The following TNNI3K variants were observed in gnomAD, a reference collection of about 807,000 sequenced individuals.
TNNI3K encodes the protein serine/threonine-protein kinase TNNI3K.
In TNNI3K, 140 loss-of-function variants were observed where a neutral mutation model predicts 114.5. That is an observed-to-expected ratio of 1.22 (90% CI 1.07 to 1.41). The LOEUF is 1.41. Among genes scored for constraint, TNNI3K ranks in the 40% most tolerant of loss-of-function variants. TNNI3K has a pLI of 0.00. For synonymous variants in TNNI3K, 347 were observed against 347.5 expected (o/e 1.00, Z 0.02); for missense variants, 1,125 against 1,007.6 (o/e 1.12, Z -1.58).
rs149076890 is a variant in TNNI3K, at chr1:74,346,882, T to A, written c.932+3703T>A. Among the ~76,000 whole-genome samples the A allele has an allele frequency of 3.5e-3, 535 of 152,006 alleles. 5 individuals carry two copies. The highest frequency in any genetic ancestry group is 0.012 in the African/African-American group (483 of 41,456). ...GTGTCTTCACATGGCTGCCTCTCTG[T>A]CAATGTCACCTGTGTCTTAATCCCA... On this transcript the variant is annotated intron_variant, in intron 9 of 24. Transcript: ENST00000326637.
chr1:74,392,835 G>T (rs1663862283), intron 17 of TNNI3K, among the ~76,000 whole-genome samples: 2 of 152,180 alleles, frequency 1.3e-5, no homozygotes, highest in African/African-American at 4.8e-5. Context: ...TTAATTTGAG[G>T]TTTTAATTTT....
intron 5 of TNNI3K, among the ~76,000 whole-genome samples, chr1:74,330,945 A>G (rs1660168215): frequency 6.6e-6 from 1 of 152,220 alleles, no homozygotes; most frequent in Admixed American, 6.5e-5. Flanking sequence ...GTATATAAAT[A>G]GAAAAATGTT....
At chr1:74,278,874 G>A (rs1038946796) in intron 5 of TNNI3K, among the ~76,000 whole-genome samples, 36 of 151,932 alleles carry the variant, frequency 2.4e-4, no homozygotes, top group African/African-American at 7.7e-4. Context: ...TTTGTGACTG[G>A]CTTCTTTTAT....
intron 5 of TNNI3K, among the ~76,000 whole-genome samples, chr1:74,286,319 G>A (rs2122282): frequency 0.036 from 5,411 of 152,016 alleles, 295 homozygotes; most frequent in African/African-American, 0.12. Flanking sequence ...GGCCCATGTC[G>A]CTGCCAAACT....
chr1:74,237,385 A>G (rs1332280791), intron 2 of TNNI3K, among the ~76,000 whole-genome samples: 1 of 152,034 alleles, frequency 6.6e-6, no homozygotes, highest in Non-Finnish European at 1.5e-5. Flanking sequence ...TTGGAAAAGT[A>G]TGAATATAGA....
intron 17 of TNNI3K, among the ~76,000 whole-genome samples, chr1:74,386,138 T>C (rs1260292113): frequency 5.3e-5 from 8 of 152,232 alleles, no homozygotes; most frequent in Non-Finnish European, 1.0e-4. Flanking sequence ...TCATTTGCCT[T>C]CCACCATGAT....
At chr1:74,386,312 G>T (rs2100558484) in intron 17 of TNNI3K, among the ~76,000 whole-genome samples, 1 of 151,786 alleles carries the variant, frequency 6.6e-6, no homozygotes, top group Middle Eastern at 3.4e-3. Context: ...TTGAAAACTG[G>T]CAGATATAAC....
intron 5 of TNNI3K, among the ~76,000 whole-genome samples, chr1:74,298,317 G>C (rs536385894): frequency 6.6e-6 from 1 of 152,118 alleles, no homozygotes; most frequent in Admixed American, 6.5e-5. Flanking sequence ...AACATAGTCA[G>C]GTAGTGTAAA....
intron 4 of TNNI3K, among the ~76,000 whole-genome samples, chr1:74,262,506 G>A (rs2100874272): frequency 1.4e-5 from 2 of 147,800 alleles, no homozygotes; most frequent in African/African-American, 5.0e-5. Context: ...CCCTAAATGG[G>A]AATTTGACAA....
intron 20 of TNNI3K, among the ~76,000 whole-genome samples, chr1:74,459,291 G>A (rs1379909592): frequency 2.6e-5 from 4 of 152,118 alleles, no homozygotes; most frequent in African/African-American, 9.7e-5. Flanking sequence ...AAGATACAAT[G>A]GTGAAAAGAC....
At chr1:74,409,495 T>TC (rs1336594020) in intron 17 of TNNI3K, among the ~76,000 whole-genome samples, 1 of 145,950 alleles carries the variant, frequency 6.9e-6, no homozygotes, top group Non-Finnish European at 1.5e-5. Flanking sequence ...TTTGTTTCTT[T>TC]TTTTTTTTTT....
intron 21 of TNNI3K, among the ~76,000 whole-genome samples, chr1:74,485,096 A>G (rs937388753): frequency 5.9e-5 from 9 of 152,222 alleles, no homozygotes; most frequent in African/African-American, 2.2e-4. Flanking sequence ...CATTGTATCA[A>G]AGAACTTTCT....
chr1:74,425,839 A>ATTGT (rs1665612365), intron 17 of TNNI3K, among the ~76,000 whole-genome samples: 1 of 152,086 alleles, frequency 6.6e-6, no homozygotes, highest in African/African-American at 2.4e-5. Context: ...ACAGTCACAC[A>ATTGT]GCATTGACGA....
intron 4 of TNNI3K, among the ~76,000 whole-genome samples, chr1:74,266,367 C>G (rs1343239615): frequency 6.6e-6 from 1 of 151,954 alleles, no homozygotes; most frequent in African/African-American, 2.4e-5. Flanking sequence ...CGTTATAGAT[C>G]AGGGCTCCCA....
At chr1:74,253,176 GA>G (rs1164570917) in intron 4 of TNNI3K, among the ~76,000 whole-genome samples, 1 of 152,140 alleles carries the variant, frequency 6.6e-6, no homozygotes, top group Non-Finnish European at 1.5e-5. Flanking sequence ...TACAAACGTT[GA>G]GCTAGATACA....
At chr1:74,450,978 A>G (rs577976860) in intron 20 of TNNI3K, among the ~76,000 whole-genome samples, 23 of 152,236 alleles carry the variant, frequency 1.5e-4, no homozygotes, top group Admixed American at 1.5e-3. Context: ...TATTCACAAT[A>G]GCAAAGAGAT....
intron 19 of TNNI3K, among the ~76,000 whole-genome samples, chr1:74,437,467 A>G (rs1007539085): frequency 2.0e-5 from 3 of 152,016 alleles, no homozygotes; most frequent in Non-Finnish European, 4.4e-5. Context: ...ATGAATGGAG[A>G]GTGATGAGGT....
chr1:74,501,377 T>A (rs1226807161), intron 23 of TNNI3K, among the ~76,000 whole-genome samples: 2 of 152,228 alleles, frequency 1.3e-5, no homozygotes, highest in Non-Finnish European at 2.9e-5. Context: ...ACCTGCTCCA[T>A]ACTTTTCTTC....
intron 23 of TNNI3K, among the ~76,000 whole-genome samples, chr1:74,498,940 G>C (rs57824876): frequency 6.6e-6 from 1 of 151,988 alleles, no homozygotes; most frequent in African/African-American, 2.4e-5. Context: ...TTAATATGAC[G>C]CTTATTTTAG....
Sources: allele counts gnomAD v4.1 joint callset (sites outside exome capture counted in the v4.1 genomes callset), GRCh38; gene constraint gnomAD v4.1.1; transcripts MANE v1.5; gene names NCBI Gene and HGNC (gene_info 2026-07-23, HGNC 2026-07-21).